MICU1: variants seen among roughly 807,000 people sequenced by gnomAD.
MICU1 encodes the protein calcium uptake protein 1, mitochondrial.
Under a neutral mutation model 56.8 loss-of-function variants are expected in MICU1, and 45 were observed. The ratio of observed to expected loss-of-function variants is 0.79; its 90% CI spans 0.62 to 1.02. The LOEUF is 1.02. Ranked by LOEUF, MICU1 falls within the 50% of genes least tolerant of loss-of-function variation. MICU1 has a pLI of 0.00. For synonymous variants in MICU1, 186 were observed against 195.1 expected (o/e 0.95, Z 0.39); for missense variants, 504 against 587.1 (o/e 0.86, Z 1.46).
At chr10:72,384,294 C>A (rs1208519796) in intron 10 of MICU1, among the ~76,000 whole-genome samples, 1 of 152,190 alleles carries the variant, frequency 6.6e-6, no homozygotes, top group Non-Finnish European at 1.5e-5. Context: ...CTGGGCCCAG[C>A]CACAGTGTCT....
In MICU1 at chr10:72,469,299, T is replaced by G. The variant is rs145200933; in HGVS notation, c.933+5801A>C. ...TAACTAAATGGAACAATAAATCTCCTGGATCTGAAGTTTTAAAGTAGGTAA... is the reference window on the plus strand; with the variant it reads ...TAACTAAATGGAACAATAAATCTCCGGGATCTGAAGTTTTAAAGTAGGTAA... On this transcript the variant is annotated intron_variant, in intron 8 of 11. Transcript: ENST00000361114. Among the ~76,000 whole-genome samples the G allele has an allele frequency of 2.8e-3, 426 of 152,320 alleles. 3 individuals are homozygous for G. The highest frequency in any genetic ancestry group is 9.7e-3 in the African/African-American group (402 of 41,580).
intron 1 of MICU1, among the ~76,000 whole-genome samples, chr10:72,595,482 A>C (rs1465613850): frequency 6.6e-6 from 1 of 151,300 alleles, no homozygotes; most frequent in Non-Finnish European, 1.5e-5. Context: ...AGAAAAAAAA[A>C]AAAGACCATA....
chr10:72,589,182 A>G (rs1206476921), intron 1 of MICU1, among the ~76,000 whole-genome samples: 1 of 151,942 alleles, frequency 6.6e-6, no homozygotes, highest in Non-Finnish European at 1.5e-5. Flanking sequence ...CCAGCTACTC[A>G]GGAGGCCAAG....
At chr10:72,473,682 G>A (rs1866016248) in intron 8 of MICU1, among the ~76,000 whole-genome samples, 1 of 152,102 alleles carries the variant, frequency 6.6e-6, no homozygotes, top group African/African-American at 2.4e-5. Context: ...CAAACAGACA[G>A]GGGACTCCGC....
chr10:72,479,102 A>T (rs941947855), intron 6 of MICU1, among the ~76,000 whole-genome samples: 1 of 152,162 alleles, frequency 6.6e-6, no homozygotes, highest in Admixed American at 6.5e-5. Context: ...TCATACTCTC[A>T]ATCTTGAAAA....
At chr10:72,462,027 T>A (rs139118367) in intron 8 of MICU1, among the ~76,000 whole-genome samples, 1 of 152,146 alleles carries the variant, frequency 6.6e-6, no homozygotes, top group Admixed American at 6.6e-5. Flanking sequence ...CTTTATCATG[T>A]GTGAGACTTT....
intron 10 of MICU1, among the ~76,000 whole-genome samples, chr10:72,386,557 A>ATTTTTTT (rs34210330): frequency 8.3e-6 from 1 of 120,188 alleles, no homozygotes; most frequent in Non-Finnish European, 1.7e-5. Context: ...CCCGCCACCT[A>ATTTTTTT]TTTTTTTTTT....
chr10:72,539,754 G>C (rs542137575), intron 4 of MICU1, among the ~76,000 whole-genome samples: 2 of 152,148 alleles, frequency 1.3e-5, no homozygotes, highest in Non-Finnish European at 2.9e-5. Flanking sequence ...ATAGAGAGTA[G>C]AAAAAGCACA....
At chr10:72,413,835 A>G (rs532012292) in intron 9 of MICU1, among the ~76,000 whole-genome samples, 7 of 152,358 alleles carry the variant, frequency 4.6e-5, no homozygotes, top group African/African-American at 1.4e-4. Context: ...AGATTTGAAT[A>G]GACAGTTTAC....
chr10:72,514,777 T>C (rs183327505), intron 5 of MICU1, among the ~76,000 whole-genome samples: 1 of 152,214 alleles, frequency 6.6e-6, no homozygotes, highest in Non-Finnish European at 1.5e-5. Context: ...CAGCCAGACA[T>C]GAAAGCTCAG....
At chr10:72,432,087 CTT>C (rs35109632) in intron 8 of MICU1, among the ~76,000 whole-genome samples, 1,699 of 120,452 alleles carry the variant, frequency 0.014, 13 homozygotes, top group Middle Eastern at 0.03. Context: ...AATGTATTGC[CTT>C]TTTTTTTTTT....
At chr10:72,444,332 C>A (rs1267204905) in intron 8 of MICU1, among the ~76,000 whole-genome samples, 1 of 151,770 alleles carries the variant, frequency 6.6e-6, no homozygotes, top group Non-Finnish European at 1.5e-5. Flanking sequence ...TCTAACTAAC[C>A]TGCACATTGT....
intron 9 of MICU1, among the ~76,000 whole-genome samples, chr10:72,410,145 CTCTCTT>C (rs1480932947): frequency 6.6e-6 from 1 of 152,162 alleles, no homozygotes; most frequent in Non-Finnish European, 1.5e-5. Context: ...TATATGGCTT[CTCTCTT>C]TAAGATTTGT....
At chr10:72,616,375 C>T (rs1222551537) in intron 1 of MICU1, among the ~76,000 whole-genome samples, 1 of 151,998 alleles carries the variant, frequency 6.6e-6, no homozygotes, top group African/African-American at 2.4e-5. Flanking sequence ...AATTTACCCA[C>T]TGTTAGGGCA....
intron 8 of MICU1, among the ~76,000 whole-genome samples, chr10:72,430,977 GT>G (rs913084174): frequency 4.0e-5 from 6 of 150,724 alleles, no homozygotes; most frequent in Admixed American, 1.3e-4. Flanking sequence ...TTTGCAATTT[GT>G]TTTTTTTAAT....
chr10:72,433,805 C>T (rs1864622672), intron 8 of MICU1, among the ~76,000 whole-genome samples: 1 of 152,328 alleles, frequency 6.6e-6, no homozygotes, highest in Middle Eastern at 3.4e-3. Flanking sequence ...TATTGACCTA[C>T]AGTTTCTTTA....
intron 1 of MICU1, among the ~76,000 whole-genome samples, chr10:72,582,396 G>C (rs924991566): frequency 4.6e-5 from 7 of 152,160 alleles, no homozygotes; most frequent in Admixed American, 3.9e-4. Context: ...CATAGTCTTT[G>C]CCCACTAACA....
intron 10 of MICU1, among the ~76,000 whole-genome samples, chr10:72,404,198 C>T (rs967100275): frequency 3.3e-5 from 5 of 151,520 alleles, no homozygotes; most frequent in Non-Finnish European, 5.9e-5. Flanking sequence ...CCCTGTTGGC[C>T]AGGCTGGTCT....
At chr10:72,624,185 T>C (rs1842175858) in intron 1 of MICU1, among the ~76,000 whole-genome samples, 1 of 152,150 alleles carries the variant, frequency 6.6e-6, no homozygotes, top group African/African-American at 2.4e-5. Context: ...AAATTTCATA[T>C]CGTTTTATTC....
Sources: allele counts gnomAD v4.1 joint callset (sites outside exome capture counted in the v4.1 genomes callset), GRCh38; gene constraint gnomAD v4.1.1; transcripts MANE v1.5; gene names NCBI Gene and HGNC (gene_info 2026-07-23, HGNC 2026-07-21).